Variants in TTC23L observed in about 807,000 individuals in gnomAD.
The protein encoded by TTC23L is tetratricopeptide repeat protein 23-like.
TTC23L carries 42 observed loss-of-function variants against 48.1 expected under a neutral mutation model. That is an observed-to-expected ratio of 0.87 (90% CI 0.68 to 1.13). The LOEUF (loss-of-function observed/expected upper bound fraction) is 1.13. Among genes scored for constraint, TTC23L ranks in the 50% most tolerant of loss-of-function variants. The pLI, the probability that TTC23L is intolerant of heterozygous loss-of-function variation, is 0.00. For missense variants in TTC23L, 391 were observed against 421.0 expected, an observed-to-expected ratio of 0.93 and a Z score of 0.62; for synonymous variants, 159 against 157.2, an observed-to-expected ratio of 1.01 and a Z score of -0.09.
downstream of TTC23L, among the ~76,000 whole-genome samples, chr5:34,903,255 T>G (rs981250294): frequency 6.6e-6 from 1 of 152,202 alleles, no homozygotes; most frequent in African/African-American, 2.4e-5. Flanking sequence ...ATCATATAAT[T>G]TTAACATCCT....
At chr5:34,922,780 A>T in the TTC23L span, 1 of 1,610,642 alleles carries the variant, frequency 6.2e-7, no homozygotes, top group Middle Eastern at 1.7e-4. Flanking sequence ...TAAGTTTCTC[A>T]TTCAGTGTAT....
chr5:34,866,714 G>A (rs1375121780), intron 6 of TTC23L, among the ~76,000 whole-genome samples, 178 bp from the exon 7 acceptor site: 3 of 152,174 alleles, frequency 2.0e-5, no homozygotes, highest in Non-Finnish European at 2.9e-5. Context: ...AATGAAATCT[G>A]ATGGGTAAAA....
downstream of TTC23L, among the ~76,000 whole-genome samples, chr5:34,902,754 C>A (rs1325214859): frequency 6.6e-6 from 1 of 152,054 alleles, no homozygotes; most frequent in Non-Finnish European, 1.5e-5. Context: ...ACATTGCAGA[C>A]CTGGCTGAAA....
the TTC23L span, chr5:34,923,403 G>A: frequency 2.0e-5 from 12 of 600,404 alleles, no homozygotes; most frequent in Non-Finnish European, 3.5e-5. Flanking sequence ...TCAGTCTCCT[G>A]AGTAGCTGGG....
chr5:34,920,085 C>A, the TTC23L span: 4 of 382,160 alleles, frequency 1.0e-5, no homozygotes, highest in South Asian at 1.5e-4. Flanking sequence ...TTTGTCTGAA[C>A]AAGCATATTG....
the TTC23L span, chr5:34,922,986 A>T: frequency 2.7e-6 from 4 of 1,498,244 alleles, no homozygotes; most frequent in Non-Finnish European, 3.7e-6. Flanking sequence ...TAATATGCTT[A>T]CCTTATTTTT....
At chr5:34,916,655 C>T in the TTC23L span, 5 of 152,232 alleles carry the variant, frequency 3.3e-5, no homozygotes, top group Admixed American at 1.3e-4. Context: ...AGACAGAATA[C>T]TGTGAACAAG....
the TTC23L span, chr5:34,925,480 T>C: frequency 1.2e-6 from 2 of 1,610,226 alleles, no homozygotes; most frequent in South Asian, 1.1e-5. Context: ...GGATGGACAG[T>C]GGGAAAACAA....
exon 3 of TTC23L, chr5:34,845,591 A>G: frequency 6.2e-7 from 1 of 1,614,040 alleles, no homozygotes. Flanking sequence ...GAGAAGGAGA[A>G]GGCCATAGAC....
intron 8 of TTC23L, among the ~76,000 whole-genome samples, chr5:34,875,651 GAT>G: frequency 6.6e-6 from 1 of 152,022 alleles, no homozygotes; most frequent in Non-Finnish European, 1.5e-5. Flanking sequence ...ACACACCCAG[GAT>G]CAATACTTTG....
chr5:34,865,658 A>G (rs1479583792), intron 6 of TTC23L, among the ~76,000 whole-genome samples: 2 of 152,170 alleles, frequency 1.3e-5, no homozygotes, highest in Non-Finnish European at 2.9e-5. Flanking sequence ...TGCTTTACAT[A>G]ATTTATTTTA....
intron 4 of TTC23L, among the ~76,000 whole-genome samples, chr5:34,850,738 C>A (rs1164594810): frequency 6.6e-6 from 1 of 152,144 alleles, no homozygotes; most frequent in Non-Finnish European, 1.5e-5. Context: ...AGGTAGAACT[C>A]AAGTTCCTGG....
At chr5:34,870,739 G>A (rs114097290) in intron 8 of TTC23L, among the ~76,000 whole-genome samples, 173 of 152,252 alleles carry the variant, frequency 1.1e-3, no homozygotes, top group African/African-American at 4.0e-3. Context: ...CCATGATCAA[G>A]TGAGATCCAG....
At chr5:34,896,944 A>G (rs1763259706) in intron 10 of TTC23L, 69 bp downstream of exon 10, 7 of 624,922 alleles carry the variant, frequency 1.1e-5, no homozygotes, top group Non-Finnish European at 2.1e-5. Context: ...GCTGATTCCA[A>G]GGGATGTGTG....
At chr5:34,914,594 A>G in the TTC23L span, 1 of 1,061,122 alleles carries the variant, frequency 9.4e-7, no homozygotes, top group Non-Finnish European at 1.4e-6. Flanking sequence ...TTGACAAGTT[A>G]TTATGACTAT....
chr5:34,840,248 G>A (rs912464234), intron 1 of TTC23L, among the ~76,000 whole-genome samples: 3 of 143,442 alleles, frequency 2.1e-5, no homozygotes, highest in African/African-American at 8.0e-5. Flanking sequence ...GGGGGGGGGG[G>A]GGAAAGCAGA....
At chr5:34,873,045 A>G (rs1761578266) in intron 8 of TTC23L, among the ~76,000 whole-genome samples, 1 of 152,002 alleles carries the variant, frequency 6.6e-6, no homozygotes, top group African/African-American at 2.4e-5. Context: ...CTTGGGTGAC[A>G]GAGGGAGACT....
intron 9 of TTC23L, among the ~76,000 whole-genome samples, chr5:34,891,233 G>A (rs1007621057): frequency 1.3e-5 from 2 of 152,164 alleles, no homozygotes; most frequent in African/African-American, 4.8e-5. Context: ...TATATTAAGA[G>A]TAATAGGTAC....
At chr5:34,916,067 C>G in the TTC23L span, 5 of 726,252 alleles carry the variant, frequency 6.9e-6, no homozygotes, top group African/African-American at 7.3e-5. Context: ...TGCAGCTAAT[C>G]CTTGTGCACG....
Sources: allele counts gnomAD v4.1 joint callset (sites outside exome capture counted in the v4.1 genomes callset), GRCh38; gene constraint gnomAD v4.1.1; transcripts MANE v1.5; gene names NCBI Gene and HGNC (gene_info 2026-07-23, HGNC 2026-07-21).